Variants in WDR72 observed in about 807,000 individuals in gnomAD.
The protein encoded by WDR72 is WD repeat-containing protein 72.
In WDR72, 120 loss-of-function variants were observed where a neutral mutation model predicts 124.2. The ratio of observed to expected loss-of-function variants is 0.97; its 90% CI spans 0.83 to 1.12. The LOEUF (loss-of-function observed/expected upper bound fraction) is 1.12. WDR72 is among the 50% of genes most tolerant of loss of function. The pLI is 0.00. For missense variants in WDR72, 1,387 were observed against 1,278.8 expected (o/e 1.08, Z -1.29); for synonymous variants, 452 against 441.7 (o/e 1.02, Z -0.29).
chr15:53,592,891 A>G (rs1340585962), intron 18 of WDR72, among the ~76,000 whole-genome samples: 1 of 152,272 alleles, frequency 6.6e-6, no homozygotes, highest in South Asian at 2.1e-4. Context: ...AGTTCTTATT[A>G]AAGAGATTCA....
In WDR72 at chr15:53,517,624, A is replaced by G. The variant is rs1891533489; in HGVS notation, c.*75T>C. The G allele has an allele frequency of 6.8e-7, 1 of 1,469,204 alleles. No individual in the cohort carries two copies. 91.0% of individuals were successfully genotyped at this position (1,469,204 alleles called of 1,614,324 possible). On this transcript the variant is annotated 3_prime_UTR_variant, in exon 20 of 20. Coordinates refer to ENST00000360509, the MANE Select transcript of WDR72 (RefSeq NM_182758.4). ...CTTGACCAATAACAACAATGCTTTTATACAGTAATAAACAAATGGCATCTT... is the reference window on the plus strand; with the variant it reads ...CTTGACCAATAACAACAATGCTTTTGTACAGTAATAAACAAATGGCATCTT...
At position 53,750,865 on chromosome 15, in the gene WDR72, G is replaced by A. The variant is rs560140438; in HGVS notation, c.-13+8768C>T. Among the ~76,000 whole-genome samples, 11 of 152,262 alleles carry A rather than the reference G, an allele frequency of 7.2e-5. No individual in the cohort carries two copies. In the South Asian group the frequency reaches 1.9e-3, roughly 26 times the overall value. On this transcript the variant is annotated intron_variant, in intron 1 of 19. Coordinates refer to ENST00000360509, the MANE Select transcript of WDR72 (RefSeq NM_182758.4). ...CTGAAGAGGGACTGAATTGCTACAA[G>A]CTCTTGATAAAATGTAAATGGATGA...
At chr15:53,594,261 C>T (rs2012655017) in intron 18 of WDR72, among the ~76,000 whole-genome samples, 3 of 150,250 alleles carry the variant, frequency 2.0e-5, no homozygotes, top group Admixed American at 2.0e-4. Flanking sequence ...TTTTACTTTC[C>T]AAATGATTTA....
intron 13 of WDR72, among the ~76,000 whole-genome samples, chr15:53,670,573 C>T (rs1024183897): frequency 6.6e-6 from 1 of 152,192 alleles, no homozygotes; most frequent in Non-Finnish European, 1.5e-5. Flanking sequence ...TGTTTAGGGG[C>T]AGACTCTGGC....
intron 18 of WDR72, among the ~76,000 whole-genome samples, chr15:53,526,526 C>CTAA (rs1330545719): frequency 6.6e-6 from 1 of 152,152 alleles, no homozygotes; most frequent in East Asian, 1.9e-4. Flanking sequence ...CTGCTGTTAG[C>CTAA]TAATTCTTCT....
chr15:53,694,492 C>G (rs2016941847), intron 13 of WDR72, among the ~76,000 whole-genome samples: 1 of 152,272 alleles, frequency 6.6e-6, no homozygotes, highest in South Asian at 2.1e-4. Context: ...GAAAGACAGC[C>G]AGAGACCCTC....
At chr15:53,561,910 C>T (rs1794657665) in intron 18 of WDR72, among the ~76,000 whole-genome samples, 1 of 151,718 alleles carries the variant, frequency 6.6e-6, no homozygotes, top group South Asian at 2.1e-4. Context: ...GCTATGTAAC[C>T]TGTTTTGTTT....
At chr15:53,754,792 C>A (rs981616024) in intron 1 of WDR72, among the ~76,000 whole-genome samples, 14 of 152,180 alleles carry the variant, frequency 9.2e-5, no homozygotes, top group African/African-American at 3.4e-4. Flanking sequence ...CTGCTGATTA[C>A]ATCAAAGGCT....
chr15:53,552,583 A>G (rs1055557610), intron 18 of WDR72, among the ~76,000 whole-genome samples: 1 of 152,194 alleles, frequency 6.6e-6, no homozygotes, highest in African/African-American at 2.4e-5. Flanking sequence ...TTTCAAATGC[A>G]TTCTCTATTG....
In WDR72 at chr15:53,592,699, C is replaced by T. The variant is rs60081423; in HGVS notation, c.3148+4380G>A. 9.3e-3 allele frequency among the ~76,000 whole-genome samples: 1,421 copies of T among 152,160 alleles called. 23 individuals carry two copies. The highest frequency in any genetic ancestry group is 0.033 in the African/African-American group (1,364 of 41,532). ...AATTCCAAGGTGACAGTTTTATCTACAAAGCCTCCATTTCTAGTTCAACCA... is the reference window on the plus strand; with the variant it reads ...AATTCCAAGGTGACAGTTTTATCTATAAAGCCTCCATTTCTAGTTCAACCA... On this transcript the variant is annotated intron_variant, in intron 18 of 19. Transcript: ENST00000360509.
At position 53,705,950 on chromosome 15, in the gene WDR72, G is replaced by T. The variant is rs745584929; in HGVS notation, c.1079C>A (p.Ser360Tyr). The change falls in exon 10 of 20, where the codon TCC (serine) becomes TAC (tyrosine). Residue 360 changes from serine (S) to tyrosine (Y), a missense_variant. By Grantham distance (144) the Ser-to-Tyr change is moderately radical. Coordinates refer to ENST00000360509, the MANE Select transcript of WDR72 (RefSeq NM_182758.4). ...ACCTCTAGGAGAACCATCAAACTTGGATACAGGAACATCAGGGATGTGCCA... is the reference window on the plus strand; with the variant it reads ...ACCTCTAGGAGAACCATCAAACTTGTATACAGGAACATCAGGGATGTGCCA... ...TLWHIPDVPV[S>Y]KFDGSPREIP... 3 of 1,613,914 alleles carry T rather than the reference G, an allele frequency of 1.9e-6. No homozygotes were observed. The African/African-American group carries it at 4.0e-5, about 22-fold the overall frequency.
intron 1 of WDR72, chr15:53,756,597 C>G (rs2018913247): frequency 6.7e-6 from 1 of 148,882 alleles, no homozygotes; most frequent in African/African-American, 2.6e-5. Flanking sequence ...TGAATTTCAA[C>G]TTGTTAAAAA....
Position 53,568,233 on chromosome 15 carries a change from G to A in WDR72, c.3148+28846C>T, listed in dbSNP as rs576679658. On this transcript the variant is annotated intron_variant, in intron 18 of 19. Coordinates refer to ENST00000360509, the MANE Select transcript of WDR72 (RefSeq NM_182758.4). Reference sequence around the variant, plus strand: ...GATCGTATGTGGGGATCACATACAAGTGCATGCATGATCCACAGTACAACT... The same window carrying A: ...GATCGTATGTGGGGATCACATACAAATGCATGCATGATCCACAGTACAACT... Among the ~76,000 whole-genome samples the A allele has an allele frequency of 7.0e-4, 106 of 151,634 alleles. 4 individuals carry two copies. The South Asian group carries it at 0.021, about 30-fold the overall frequency.
chr15:53,556,375 G>A (rs1893933144), intron 18 of WDR72, among the ~76,000 whole-genome samples: 1 of 152,070 alleles, frequency 6.6e-6, no homozygotes, highest in East Asian at 1.9e-4. Flanking sequence ...TTGCAAATAA[G>A]TCACTTTTTC....
chr15:53,603,555 C>T (rs528232079), intron 17 of WDR72, among the ~76,000 whole-genome samples: 26 of 152,044 alleles, frequency 1.7e-4, no homozygotes, highest in African/African-American at 6.3e-4. Context: ...CTACCCTTTT[C>T]GAAGATGTCA....
At chr15:53,712,023 G>A (rs920727074) in intron 7 of WDR72, among the ~76,000 whole-genome samples, 7 of 152,210 alleles carry the variant, frequency 4.6e-5, no homozygotes, top group South Asian at 2.1e-4. Context: ...AGAAAATAAC[G>A]TTTGTCCCTC....
chr15:53,692,603 C>T (rs1360564972), intron 13 of WDR72, among the ~76,000 whole-genome samples: 1 of 152,118 alleles, frequency 6.6e-6, no homozygotes, highest in Non-Finnish European at 1.5e-5. Context: ...TGGACATTGT[C>T]GCCTACTTAA....
At chr15:53,524,304 T>C (rs1380393974) in intron 18 of WDR72, among the ~76,000 whole-genome samples, 1 of 152,154 alleles carries the variant, frequency 6.6e-6, no homozygotes, top group Non-Finnish European at 1.5e-5. Context: ...TGATAACACA[T>C]GCAATGTATT....
intron 13 of WDR72, among the ~76,000 whole-genome samples, chr15:53,667,818 C>T (rs543773201): frequency 1.3e-5 from 2 of 152,254 alleles, no homozygotes; most frequent in Admixed American, 1.3e-4. Flanking sequence ...AAAATGTATA[C>T]ATTTTATATA....
Sources: allele counts gnomAD v4.1 joint callset (sites outside exome capture counted in the v4.1 genomes callset), GRCh38; gene constraint gnomAD v4.1.1; transcripts MANE v1.5; gene names NCBI Gene and HGNC (gene_info 2026-07-23, HGNC 2026-07-21).